Variants in TCTN1 observed in about 807,000 individuals in gnomAD.
The protein encoded by TCTN1 is tectonic family member 1.
A neutral mutation model predicts 65.8 loss-of-function variants in TCTN1; 58 were observed. The ratio of observed to expected loss-of-function variants is 0.88; its 90% CI spans 0.71 to 1.10. The LOEUF is 1.10. TCTN1 is among the 50% of genes least tolerant of loss of function. The probability of loss-of-function intolerance (pLI) is 0.00; values close to 1 mark genes in which losing one functional copy is unlikely to be tolerated. For synonymous variants in TCTN1, 273 were observed against 289.1 expected (o/e 0.94, Z 0.57); for missense variants, 645 against 719.4 (o/e 0.90, Z 1.18).
chr12:110,621,987 A>G (rs190737175), intron 2 of TCTN1, among the ~76,000 whole-genome samples: 1 of 151,772 alleles, frequency 6.6e-6, no homozygotes, highest in African/African-American at 2.4e-5. Context: ...AAAATACAAA[A>G]ATCAGCTGGG....
At position 110,641,439 on chromosome 12, in the gene TCTN1, T is replaced by C; in HGVS notation, c.1105-103T>C. ...AGTAGGGAGGGAGAAATTCTTTTAT[T>C]GGTTGGTAATTCCATATTTTATTAT... On this transcript the variant is annotated intron_variant, in intron 9 of 14. Transcript: ENST00000397659. 3.5e-6 allele frequency: 4 copies of C among 1,154,940 alleles called. No individual in the cohort carries two copies. In the South Asian group the frequency reaches 5.1e-5, roughly 15 times the overall value. 71.5% of individuals were successfully genotyped at this position (1,154,940 alleles called of 1,614,324 possible).
chr12:110,649,402 G>A lies in TCTN1; in HGVS notation c.*361G>A. ...AGTGTCTTCTTTTTGAGGGGAGCTG[G>A]TCCGGGTCTAGTTCACTTCACCAAG... On this transcript the variant is annotated 3_prime_UTR_variant, in exon 15 of 15. Coordinates refer to ENST00000397659, the MANE Select transcript of TCTN1 (RefSeq NM_001082538.3). The A allele has an allele frequency of 6.2e-7, 1 of 1,605,094 alleles. No individual in the cohort carries two copies. Among genetic ancestry groups the A allele is most frequent in the Non-Finnish European group, 8.5e-7 (1 of 1,173,488 alleles).
intron 4 of TCTN1, 103 bp from the exon 5 acceptor site, chr12:110,632,369 T>C (rs760316119): frequency 6.8e-5 from 79 of 1,169,912 alleles, no homozygotes; most frequent in African/African-American, 9.1e-5. Flanking sequence ...CATCAGTGTG[T>C]CTCTGATGCC....
At chr12:110,634,285 T>G in intron 5 of TCTN1, 1 of 414,432 alleles carries the variant, frequency 2.4e-6, no homozygotes, top group Non-Finnish European at 4.9e-6. Flanking sequence ...TGGTGGTAGC[T>G]GGGGGGCAGG....
rs1034216193 is a variant in TCTN1 at position 110,628,081 on chromosome 12, C to T, written c.473-686C>T. The T allele has an allele frequency of 3.3e-6, 5 of 1,535,858 alleles. No individual in the cohort carries two copies. The African/African-American group carries it at 5.5e-5, about 17-fold the overall frequency. ...TTTTACTCCAGGACTTTCACGGTGG[C>T]TGTGTGAGAGTAGAAGTCGGATTCT... On this transcript the variant is annotated intron_variant, in intron 3 of 14. Transcript: ENST00000397659.
chr12:110,646,971 T>C (rs2067357210), intron 12 of TCTN1: 3 of 547,230 alleles, frequency 5.5e-6, no homozygotes, highest in African/African-American at 1.9e-5. Flanking sequence ...TTTTTAGAAA[T>C]AGGAGGAGAT....
At chr12:110,627,346 C>T (rs879692360) in intron 3 of TCTN1, among the ~76,000 whole-genome samples, 4 of 152,262 alleles carry the variant, frequency 2.6e-5, no homozygotes, top group Admixed American at 2.6e-4. Context: ...ATCCTCCTGC[C>T]TCGGCCTCTC....
At chr12:110,628,204 C>G (rs1248069003) in intron 3 of TCTN1, 1 of 1,535,948 alleles carries the variant, frequency 6.5e-7, no homozygotes, top group South Asian at 1.2e-5. Flanking sequence ...TTATTATTGG[C>G]TTCTGTTGTG....
At chr12:110,617,683 C>G (rs2065139069) in intron 1 of TCTN1, among the ~76,000 whole-genome samples, 1 of 151,734 alleles carries the variant, frequency 6.6e-6, no homozygotes. Flanking sequence ...CCCTGTCACC[C>G]AGGCTGGAGT....
intron 10 of TCTN1, 35 bp from the exon 11 acceptor site, chr12:110,642,214 A>T: frequency 6.2e-7 from 1 of 1,613,890 alleles, no homozygotes; most frequent in Non-Finnish European, 8.5e-7. Flanking sequence ...AGGCTGCTCT[A>T]GCACTAGGCA....
At position 110,628,866 on chromosome 12, in the gene TCTN1, CAT is replaced by C; in HGVS notation, c.575_576del (p.Tyr192CysfsTer14). 1 of 1,613,648 alleles carries C rather than the reference CAT, an allele frequency of 6.2e-7. No homozygotes were observed. The highest frequency in any genetic ancestry group is 8.5e-7 in the Non-Finnish European group (1 of 1,179,904). ...GATGGTTTTACATTGAATGCTGAAT[CAT>C]ATGTTTCCTTCACAACCAAACTGGA... is the stretch of plus-strand genomic sequence containing the variant. On this transcript the variant is annotated frameshift_variant, in exon 4 of 15. Coordinates refer to ENST00000397659, the MANE Select transcript of TCTN1 (RefSeq NM_001082538.3). LOFTEE classifies it high-confidence loss of function.
rs2066881037 is a variant in TCTN1, at chr12:110,640,450, C to T, written c.911C>T (p.Thr304Ile). ...LNKTLTRRED[T>I]DVLQPTLVNA... Reference sequence around the variant, plus strand: ...AAAACGCTCACCCGACGGGAGGACACTGATGTGCTGCAGCCGACTCTCGTC... The same window carrying T: ...AAAACGCTCACCCGACGGGAGGACATTGATGTGCTGCAGCCGACTCTCGTC... The change falls in exon 8 of 15, where the codon ACT becomes ATT. Residue 304 changes from threonine to isoleucine, a missense_variant. Coordinates refer to ENST00000397659, the MANE Select transcript of TCTN1 (RefSeq NM_001082538.3). The surrounding 1 kb of genome is among the most constrained non-coding windows in gnomAD (Gnocchi z 4.9). The T allele has an allele frequency of 1.2e-6, 2 of 1,614,110 alleles. No individual in the cohort carries two copies. Among genetic ancestry groups the T allele is most frequent in the African/African-American group, 1.3e-5 (1 of 74,942 alleles).
At chr12:110,631,038 C>T (rs2066195942) in intron 4 of TCTN1, among the ~76,000 whole-genome samples, 1 of 152,128 alleles carries the variant, frequency 6.6e-6, no homozygotes, top group Admixed American at 6.5e-5. Flanking sequence ...GTGATCTTGG[C>T]TCACTGCAAC....
intron 3 of TCTN1, chr12:110,628,080 G>C: frequency 2.6e-6 from 4 of 1,535,960 alleles, no homozygotes; most frequent in Non-Finnish European, 3.5e-6. Flanking sequence ...TTTCACGGTG[G>C]CTGTGTGAGA....
At position 110,644,991 on chromosome 12, in the gene TCTN1, G is replaced by C; in HGVS notation, c.1356G>C (p.Gln452His). 1 of 1,614,228 alleles carries C rather than the reference G, an allele frequency of 6.2e-7. No homozygotes were observed. Among genetic ancestry groups the C allele is most frequent in the Non-Finnish European group, 8.5e-7 (1 of 1,180,056 alleles). Reference sequence around the variant, plus strand: ...GACTGACTGGAGCTCTCCCGTGTCAGCTCGTAGCACAGAAGGTGAAGAGCC... The same window carrying C: ...GACTGACTGGAGCTCTCCCGTGTCACCTCGTAGCACAGAAGGTGAAGAGCC... ...KLRLTGALPC[Q>H]LVAQKVKSLL... Residue 452 changes from glutamine (Q) to histidine (H), a missense_variant, in exon 12 of 15, where the codon CAG becomes CAC. By Grantham distance (24) the Gln-to-His change is conservative. Transcript: ENST00000397659. This position sits in a 1 kb window ranked among gnomAD's most constrained non-coding sequence, Gnocchi z 4.6.
At chr12:110,648,195 T>G (rs1448514181) in intron 14 of TCTN1, among the ~76,000 whole-genome samples, 1 of 152,144 alleles carries the variant, frequency 6.6e-6, no homozygotes, top group African/African-American at 2.4e-5. Context: ...GGTCTCAAAC[T>G]CCTGGGCTCA....
intron 1 of TCTN1, among the ~76,000 whole-genome samples, chr12:110,618,073 C>CTTT (rs1177692303): frequency 4.4e-5 from 6 of 134,946 alleles, no homozygotes; most frequent in Admixed American, 7.4e-5. Context: ...GGCTTGAGAT[C>CTTT]TTTTTTTTTT....
chr12:110,649,405 C>T lies in TCTN1; in HGVS notation c.*364C>T, dbSNP rs749423923. ...GTCTTCTTTTTGAGGGGAGCTGGTCCGGGTCTAGTTCACTTCACCAAGAAG... is the reference window on the plus strand; with the variant it reads ...GTCTTCTTTTTGAGGGGAGCTGGTCTGGGTCTAGTTCACTTCACCAAGAAG... On this transcript the variant is annotated 3_prime_UTR_variant, in exon 15 of 15. Transcript: ENST00000397659. 47 of 1,605,692 alleles carry T rather than the reference C, an allele frequency of 2.9e-5. No individual in the cohort carries two copies. The highest frequency in any genetic ancestry group is 1.9e-4 in the African/African-American group (14 of 74,740).
At chr12:110,620,255 A>C (rs2065326901) in intron 2 of TCTN1, among the ~76,000 whole-genome samples, 1 of 152,080 alleles carries the variant, frequency 6.6e-6, no homozygotes, top group South Asian at 2.1e-4. Flanking sequence ...AAAATCCAAA[A>C]AAATTAGCCG....
Sources: gnomAD v4.1 joint callset for allele counts (sites outside exome capture counted in the v4.1 genomes callset) on GRCh38, gnomAD v4.1.1 for gene constraint, Gnocchi (gnomAD v3.1) non-coding constraint, MANE v1.5 for transcripts, NCBI Gene and HGNC (gene_info 2026-07-23, HGNC 2026-07-21) for gene names.